The following TRMT11 variants were observed in gnomAD, a reference collection of about 807,000 sequenced individuals.
The protein encoded by TRMT11 is tRNA (guanine(10)-N(2))-methyltransferase TRMT11.
TRMT11 carries 53 observed loss-of-function variants against 62.8 expected under a neutral mutation model. The observed-to-expected ratio is 0.84, with a 90% CI of 0.68 to 1.06. The LOEUF is 1.06. Among genes scored for constraint, TRMT11 ranks in the 50% least tolerant of loss-of-function variants. TRMT11 has a pLI of 0.00. For missense variants in TRMT11, 556 were observed against 553.4 expected (o/e 1.00, Z -0.05); for synonymous variants, 188 against 190.3 (o/e 0.99, Z 0.10).
chr6:126,180,727 G>C (rs1356909279), intron 1 of TRMT11, among the ~76,000 whole-genome samples: 1 of 152,156 alleles, frequency 6.6e-6, no homozygotes, highest in East Asian at 1.9e-4. Context: ...TAAGACAGGT[G>C]CTGATGCCTT....
At chr6:126,064,439 TGG>T (rs1776627725) in intron 17 of TRMT11, among the ~76,000 whole-genome samples, 1 of 152,130 alleles carries the variant, frequency 6.6e-6, no homozygotes. Flanking sequence ...CCAAGAGCCT[TGG>T]GCTCCTGGAT....
intron 17 of TRMT11, among the ~76,000 whole-genome samples, chr6:126,053,901 G>A (rs564662636): frequency 2.6e-5 from 4 of 152,176 alleles, no homozygotes; most frequent in Non-Finnish European, 5.9e-5. Flanking sequence ...ATCATGTCAG[G>A]GGGTGAGGGC....
chr6:126,115,101 T>C (rs1224486048), intron 19 of TRMT11, among the ~76,000 whole-genome samples: 1 of 152,096 alleles, frequency 6.6e-6, no homozygotes, highest in Non-Finnish European at 1.5e-5. Context: ...TAAGGGACTG[T>C]ACTAACATAG....
At chr6:126,242,802 T>C in the TRMT11 span, among the ~76,000 whole-genome samples, 1 of 152,180 alleles carries the variant, frequency 6.6e-6, no homozygotes, top group East Asian at 1.9e-4. Context: ...ACTAAAGACT[T>C]AAATGTTAGA....
intron 21 of TRMT11, among the ~76,000 whole-genome samples, chr6:126,142,421 A>G (rs1446880036): frequency 1.3e-5 from 2 of 152,096 alleles, no homozygotes; most frequent in Non-Finnish European, 2.9e-5. Context: ...TCACTATCAC[A>G]TATTTTATTT....
At chr6:126,207,612 CT>C (rs1778802330), downstream of TRMT11, among the ~76,000 whole-genome samples, 2 of 152,284 alleles carry the variant, frequency 1.3e-5, no homozygotes, top group East Asian at 3.9e-4. Flanking sequence ...ATGCACATTT[CT>C]TTAGAACAGT....
At chr6:126,119,151 A>G (rs1019208017) in intron 21 of TRMT11, among the ~76,000 whole-genome samples, 5 of 151,590 alleles carry the variant, frequency 3.3e-5, no homozygotes, top group Non-Finnish European at 5.9e-5. Context: ...TGAGACATTT[A>G]GCACAGCGAT....
chr6:126,165,614 C>G (rs994044324), intron 21 of TRMT11, among the ~76,000 whole-genome samples: 1 of 152,202 alleles, frequency 6.6e-6, no homozygotes, highest in Non-Finnish European at 1.5e-5. Flanking sequence ...TTGGTCCCCA[C>G]TCTCTTCTGG....
chr6:126,097,681 TCAAC>T (rs1484745626), intron 17 of TRMT11, among the ~76,000 whole-genome samples: 7 of 152,304 alleles, frequency 4.6e-5, no homozygotes, highest in East Asian at 1.9e-4. Context: ...AATCTGAACT[TCAAC>T]CAAGATTTTA....
At chr6:126,104,777 C>T (rs1156951469) in intron 17 of TRMT11, among the ~76,000 whole-genome samples, 1 of 152,162 alleles carries the variant, frequency 6.6e-6, no homozygotes, top group East Asian at 1.9e-4. Flanking sequence ...TTCTCTTCTT[C>T]TCCCATTGTT....
intron 17 of TRMT11, among the ~76,000 whole-genome samples, chr6:126,074,661 T>A (rs1776960459): frequency 6.6e-6 from 1 of 152,166 alleles, no homozygotes; most frequent in African/African-American, 2.4e-5. Context: ...TTTTTTTATG[T>A]GTTATTTTCC....
intron 12 of TRMT11, among the ~76,000 whole-genome samples, chr6:126,028,081 A>G (rs1477413989): frequency 6.6e-6 from 1 of 152,132 alleles, no homozygotes; most frequent in Non-Finnish European, 1.5e-5. Flanking sequence ...CTCAGGATTA[A>G]TGTTGTTAGT....
chr6:126,169,529 G>C (rs758919709), intron 21 of TRMT11, among the ~76,000 whole-genome samples: 1 of 152,168 alleles, frequency 6.6e-6, no homozygotes, highest in African/African-American at 2.4e-5. Context: ...GATTCCTCTT[G>C]GTTTTGACTG....
chr6:126,225,699 T>C, the TRMT11 span, among the ~76,000 whole-genome samples: 1 of 120,150 alleles, frequency 8.3e-6, no homozygotes, highest in Non-Finnish European at 1.9e-5. Flanking sequence ...TTTTTTTTTT[T>C]TTTTTTTTTT....
downstream of TRMT11, among the ~76,000 whole-genome samples, chr6:126,040,744 C>T (rs899968112): frequency 1.8e-4 from 28 of 152,106 alleles, no homozygotes; most frequent in African/African-American, 6.3e-4. Flanking sequence ...TATAATATGA[C>T]AAAATGTATA....
At chr6:126,023,965 T>TA (rs925029504) in intron 12 of TRMT11, among the ~76,000 whole-genome samples, 11 of 151,948 alleles carry the variant, frequency 7.2e-5, no homozygotes, top group African/African-American at 1.9e-4. Context: ...GTGAGTTGCT[T>TA]AAAAAAAAGA....
At chr6:126,099,003 A>T (rs1029486565) in intron 17 of TRMT11, among the ~76,000 whole-genome samples, 1 of 152,236 alleles carries the variant, frequency 6.6e-6, no homozygotes, top group African/African-American at 2.4e-5. Flanking sequence ...TAGGTACATA[A>T]TTAGGTAGCT....
chr6:126,115,375 T>C (rs1297138695), exon 20 of TRMT11, among the ~76,000 whole-genome samples: 1 of 152,130 alleles, frequency 6.6e-6, no homozygotes, highest in African/African-American at 2.4e-5. Context: ...AGTCAGAATC[T>C]CTGGAGGTGG....
At chr6:125,988,161 C>T (rs1789982752) in intron 1 of TRMT11, among the ~76,000 whole-genome samples, 1 of 152,170 alleles carries the variant, frequency 6.6e-6, no homozygotes, top group African/African-American at 2.4e-5. Context: ...ATGTCGAATG[C>T]AGTTGCTTTT....
Sources: allele counts gnomAD v4.1 joint callset (sites outside exome capture counted in the v4.1 genomes callset), GRCh38; gene constraint gnomAD v4.1.1; transcripts MANE v1.5; gene names NCBI Gene and HGNC (gene_info 2026-07-23, HGNC 2026-07-21).